The following SUMF1 variants were observed in gnomAD, a reference collection of about 807,000 sequenced individuals.
SUMF1 encodes formylglycine-generating enzyme.
In SUMF1, 48 loss-of-function variants were observed where a neutral mutation model predicts 47.6. That is an observed-to-expected ratio of 1.01 (90% CI 0.80 to 1.28). SUMF1 has a LOEUF of 1.28. Ranked by LOEUF, SUMF1 falls within the 50% of genes most tolerant of loss-of-function variation. The pLI, the probability that SUMF1 is intolerant of heterozygous loss-of-function variation, is 0.00. For synonymous variants in SUMF1, 230 were observed against 192.1 expected (o/e 1.20, Z -1.63); for missense variants, 571 against 485.4 (o/e 1.18, Z -1.66).
chr3:4,077,732 C>T (rs1206229603), intron 8 of SUMF1, among the ~76,000 whole-genome samples: 1 of 151,970 alleles, frequency 6.6e-6, no homozygotes, highest in Non-Finnish European at 1.5e-5. Context: ...GTGCCGCAAA[C>T]CAACATGGCA....
At chr3:4,073,993 T>C (rs1009086228) in intron 8 of SUMF1, among the ~76,000 whole-genome samples, 1 of 152,148 alleles carries the variant, frequency 6.6e-6, no homozygotes, top group Admixed American at 6.5e-5. Flanking sequence ...GCGGACCTAA[T>C]AGACATCTAC....
intron 8 of SUMF1, among the ~76,000 whole-genome samples, chr3:4,215,480 A>G (rs1695901847): frequency 6.6e-6 from 1 of 152,198 alleles, no homozygotes; most frequent in Non-Finnish European, 1.5e-5. Flanking sequence ...TTTGAAAACC[A>G]GCACAAGGCA....
At chr3:4,247,930 C>G (rs1696705864) in intron 8 of SUMF1, among the ~76,000 whole-genome samples, 1 of 152,200 alleles carries the variant, frequency 6.6e-6, no homozygotes, top group Admixed American at 6.5e-5. Flanking sequence ...CTCTGAGTCT[C>G]AATCCCCTCA....
intron 8 of SUMF1, among the ~76,000 whole-genome samples, chr3:4,274,392 C>A (rs559254652): frequency 5.3e-5 from 8 of 152,184 alleles, no homozygotes; most frequent in Non-Finnish European, 1.0e-4. Flanking sequence ...ATACTATATT[C>A]GGCACTGTAC....
chr3:4,370,491 T>A (rs1455042975), intron 8 of SUMF1, among the ~76,000 whole-genome samples: 1 of 152,210 alleles, frequency 6.6e-6, no homozygotes, highest in African/African-American at 2.4e-5. Flanking sequence ...ATCTCTTAAA[T>A]TATATCAGAA....
rs1559320871 is a variant in SUMF1 at position 4,467,161 on chromosome 3, ACAGCAGCGAGAG to A, written c.73_84del (p.Leu25_Leu28del). 1 of 1,602,408 alleles carries A rather than the reference ACAGCAGCGAGAG, an allele frequency of 6.2e-7. No homozygotes were observed. On this transcript the variant is annotated inframe_deletion, in exon 1 of 9. Coordinates refer to ENST00000272902, the MANE Select transcript of SUMF1 (RefSeq NM_182760.4). ...GCCTCCTGGCTCCCTGCCGCTCCAC[ACAGCAGCGAGAG>A]CAGCAGCAGCAAGAGGACGAGACCC...
chr3:4,350,345 GTGTGTGTGTATAATTGTGTGTGTATAAT>G (rs11267751), intron 8 of SUMF1, among the ~76,000 whole-genome samples: 5 of 148,814 alleles, frequency 3.4e-5, no homozygotes, highest in South Asian at 2.1e-4. Flanking sequence ...GTGTGTGTGT[GTGTGTGTGTATAATTGTGTGTGTATAAT>G]TGTGTGTGTA....
chr3:4,302,470 G>T (rs1697993554), intron 8 of SUMF1, among the ~76,000 whole-genome samples: 2 of 97,594 alleles, frequency 2.0e-5, no homozygotes, highest in South Asian at 6.5e-4. Context: ...GCCTCCAAGA[G>T]GTAAATTTCA....
chr3:4,079,598 CTT>C (rs1205046647), intron 8 of SUMF1, among the ~76,000 whole-genome samples: 1 of 151,184 alleles, frequency 6.6e-6, no homozygotes, highest in East Asian at 1.9e-4. Flanking sequence ...TCTAAGTTCT[CTT>C]GTTTGTGAAA....
intron 8 of SUMF1, among the ~76,000 whole-genome samples, chr3:4,194,537 T>C (rs1460113936): frequency 1.3e-5 from 2 of 152,202 alleles, no homozygotes; most frequent in East Asian, 3.8e-4. Flanking sequence ...TTTACAGATA[T>C]GGATAAGGCT....
At chr3:4,456,259 C>T (rs1485907845) in intron 1 of SUMF1, among the ~76,000 whole-genome samples, 1 of 152,016 alleles carries the variant, frequency 6.6e-6, no homozygotes, top group African/African-American at 2.4e-5. Flanking sequence ...TAACATTATA[C>T]TCAATGGGGA....
At chr3:4,458,169 A>C (rs1291955928) in intron 1 of SUMF1, among the ~76,000 whole-genome samples, 1 of 152,218 alleles carries the variant, frequency 6.6e-6, no homozygotes, top group Non-Finnish European at 1.5e-5. Context: ...GCAAATTAAA[A>C]CCACAATGGG....
intron 8 of SUMF1, among the ~76,000 whole-genome samples, chr3:4,345,187 C>T (rs1699350388): frequency 6.6e-6 from 1 of 152,108 alleles, no homozygotes; most frequent in Non-Finnish European, 1.5e-5. Context: ...ACAGAGAACA[C>T]TATTAAGATA....
chr3:4,314,221 A>T (rs1000687364), intron 8 of SUMF1: 4 of 164,592 alleles, frequency 2.4e-5, no homozygotes, highest in Non-Finnish European at 3.9e-5. Flanking sequence ...TCGTGATCTG[A>T]CACCTTTGTA....
chr3:4,194,614 T>C (rs1285856480), intron 8 of SUMF1, among the ~76,000 whole-genome samples: 1 of 152,174 alleles, frequency 6.6e-6, no homozygotes, highest in Non-Finnish European at 1.5e-5. Context: ...AAGTTCTACC[T>C]AACTTTTCAA....
At chr3:4,068,339 A>C (rs865832923) in intron 9 of SUMF1, among the ~76,000 whole-genome samples, 6 of 152,214 alleles carry the variant, frequency 3.9e-5, no homozygotes, top group African/African-American at 9.6e-5. Context: ...AATCTGTCTA[A>C]TAGAAATATA....
chr3:4,218,357 G>A (rs1014256428), intron 8 of SUMF1, among the ~76,000 whole-genome samples: 1 of 152,112 alleles, frequency 6.6e-6, no homozygotes, highest in African/African-American at 2.4e-5. Flanking sequence ...AAATTTAGGT[G>A]GTGGGGGAAA....
At position 4,433,484 on chromosome 3, in the gene SUMF1, T is replaced by C. The variant is rs956666258; in HGVS notation, c.520-13338A>G. The stretch of plus-strand genomic sequence containing the variant: ...CTAAGTCAAGTGAACAACTACTCTT[T>C]TCAAAAAAAGACACAAAAGACAGTG... On this transcript the variant is annotated intron_variant, in intron 3 of 8. Coordinates refer to ENST00000272902, the MANE Select transcript of SUMF1 (RefSeq NM_182760.4). 5.9e-5 allele frequency among the ~76,000 whole-genome samples: 9 copies of C among 152,248 alleles called. 1 individual carries two copies. The highest frequency in any genetic ancestry group is 6.5e-5 in the Admixed American group (1 of 15,296).
chr3:4,444,201 A>G (rs1267305537), intron 3 of SUMF1, among the ~76,000 whole-genome samples: 4 of 152,236 alleles, frequency 2.6e-5, no homozygotes, highest in Admixed American at 2.6e-4. Context: ...AATGTGAACC[A>G]AAGATTTCAT....
Sources: gnomAD v4.1 joint callset for allele counts (sites outside exome capture counted in the v4.1 genomes callset) on GRCh38, gnomAD v4.1.1 for gene constraint, MANE v1.5 for transcripts, NCBI Gene and HGNC (gene_info 2026-07-23, HGNC 2026-07-21) for gene names.